Variants in MAP2 observed in about 807,000 individuals in gnomAD.
MAP2 encodes microtubule-associated protein 2.
MAP2 carries 14 observed loss-of-function variants against 137.6 expected under a neutral mutation model. The ratio of observed to expected loss-of-function variants is 0.10; its 90% CI spans 0.07 to 0.16. The LOEUF is 0.16. Among genes scored for constraint, MAP2 ranks in the 10% least tolerant of loss-of-function variants. The pLI, the probability that MAP2 is intolerant of heterozygous loss-of-function variation, is 1.00. For synonymous variants in MAP2, 786 were observed against 782.3 expected (o/e 1.00, Z -0.08); for missense variants, 2,088 against 2,191.5 (o/e 0.95, Z 0.94).
chr2:209,565,209 A>G (rs564221303), intron 2 of MAP2, among the ~76,000 whole-genome samples: 2 of 152,128 alleles, frequency 1.3e-5, no homozygotes, highest in East Asian at 3.9e-4. Flanking sequence ...AACTCAATGG[A>G]AAATTTCTTT....
At chr2:209,702,727 G>T (rs569558129) in intron 11 of MAP2, among the ~76,000 whole-genome samples, 73 of 151,898 alleles carry the variant, frequency 4.8e-4, no homozygotes, top group African/African-American at 1.7e-3. Context: ...TCACTCTTTT[G>T]TGGGTAGGAT....
intron 7 of MAP2, among the ~76,000 whole-genome samples, chr2:209,683,094 G>A (rs1203517201): frequency 6.6e-6 from 1 of 152,076 alleles, no homozygotes; most frequent in Admixed American, 6.6e-5. Flanking sequence ...ATCCATCTGG[G>A]AATTCACCCA....
At chr2:209,605,259 A>G (rs553003091) in intron 3 of MAP2, among the ~76,000 whole-genome samples, 1 of 152,272 alleles carries the variant, frequency 6.6e-6, no homozygotes, top group South Asian at 2.1e-4. Flanking sequence ...CCTTATGGAA[A>G]TAGATTTATT....
chr2:209,545,337 C>G (rs1261808217), intron 2 of MAP2, among the ~76,000 whole-genome samples: 1 of 152,120 alleles, frequency 6.6e-6, no homozygotes, highest in African/African-American at 2.4e-5. Flanking sequence ...GTAAATCTAC[C>G]TAGCCTGCAC....
rs2075674469 is a variant in MAP2 at position 209,730,710 on chromosome 2, C to G, written c.*313C>G. On this transcript the variant is annotated 3_prime_UTR_variant, in exon 16 of 16. Coordinates refer to ENST00000682079, the MANE Select transcript of MAP2 (RefSeq NM_001375505.1). ...TTTTTACCTTTCATGTGCCTGAAGGCTATCCACTACATTCTGAAGGCCTTG... is the reference window on the plus strand; with the variant it reads ...TTTTTACCTTTCATGTGCCTGAAGGGTATCCACTACATTCTGAAGGCCTTG... 1 of 275,190 alleles carries G rather than the reference C, an allele frequency of 3.6e-6. No individual in the cohort carries two copies. Among genetic ancestry groups the G allele is most frequent in the African/African-American group, 2.2e-5 (1 of 44,596 alleles). The allele number at this position is 275,190 out of a possible 1,614,324, so 17.0% of individuals were successfully genotyped here.
At chr2:209,663,528 C>T (rs1456521801) in intron 5 of MAP2, among the ~76,000 whole-genome samples, 1 of 152,156 alleles carries the variant, frequency 6.6e-6, no homozygotes, top group African/African-American at 2.4e-5. Context: ...TGTCATGCAA[C>T]TTTTAACAAT....
At chr2:209,729,774 C>A in intron 14 of MAP2, 76 bp from the exon 15 acceptor site, 2 of 896,050 alleles carry the variant, frequency 2.2e-6, no homozygotes, top group Non-Finnish European at 3.7e-6. Context: ...CGTAGTCTAT[C>A]TACTGCAGTC....
At position 209,692,723 on chromosome 2, in the gene MAP2, C is replaced by A. The variant is rs1283361483; in HGVS notation, c.553C>A (p.Gln185Lys). 6.2e-7 allele frequency: 1 copy of A among 1,614,002 alleles called. No individual in the cohort carries two copies. Among genetic ancestry groups the A allele is most frequent in the African/African-American group, 1.3e-5 (1 of 75,040 alleles). Reference sequence around the variant, plus strand: ...CCAGAAGGAAAAGGAGTCAGAGAAGCAAAGTAAGCCTGGTGAAGACCTTAA... The same window carrying A: ...CCAGAAGGAAAAGGAGTCAGAGAAGAAAAGTAAGCCTGGTGAAGACCTTAA... Reference protein sequence around the residue: ...SDQKEKESEKQSKPGEDLKHA... With the variant: ...SDQKEKESEKKSKPGEDLKHA... The change falls in exon 8 of 16, where the codon CAA (glutamine) becomes AAA (lysine). Residue 185 changes from glutamine to lysine, a missense_variant. Coordinates refer to ENST00000682079, the MANE Select transcript of MAP2 (RefSeq NM_001375505.1).
chr2:209,665,020 G>A (rs910315926), intron 5 of MAP2, among the ~76,000 whole-genome samples: 1 of 146,008 alleles, frequency 6.8e-6, no homozygotes, highest in African/African-American at 2.5e-5. Flanking sequence ...AACTGAGAAT[G>A]AAGAGGTAAT....
At chr2:209,525,916 C>T (rs2150470502) in intron 2 of MAP2, among the ~76,000 whole-genome samples, 1 of 152,138 alleles carries the variant, frequency 6.6e-6, no homozygotes, top group Non-Finnish European at 1.5e-5. Flanking sequence ...TATTTCTTTT[C>T]TTGTGGTTGC....
chr2:209,703,750 A>G (rs1192044948), intron 11 of MAP2, among the ~76,000 whole-genome samples: 1 of 150,220 alleles, frequency 6.7e-6, no homozygotes, highest in East Asian at 1.9e-4. Flanking sequence ...TCTAAGCAAT[A>G]TTACTCTTTC....
chr2:209,645,643 T>C (rs2094372845), intron 4 of MAP2, among the ~76,000 whole-genome samples: 1 of 152,180 alleles, frequency 6.6e-6, no homozygotes, highest in Non-Finnish European at 1.5e-5. Context: ...TAAATGATAT[T>C]ATATAATTCT....
At chr2:209,587,328 A>G (rs2078016396) in intron 3 of MAP2, among the ~76,000 whole-genome samples, 1 of 152,148 alleles carries the variant, frequency 6.6e-6, no homozygotes, top group African/African-American at 2.4e-5. Flanking sequence ...ACTCTGCTTA[A>G]AGCCACAGGG....
At chr2:209,425,361 A>T (rs1237526849) in intron 1 of MAP2, among the ~76,000 whole-genome samples, 1 of 152,226 alleles carries the variant, frequency 6.6e-6, no homozygotes, top group African/African-American at 2.4e-5. Context: ...ACAAGTATGC[A>T]CACAAATGTA....
chr2:209,565,306 C>T (rs2073138176), intron 2 of MAP2, among the ~76,000 whole-genome samples: 1 of 152,118 alleles, frequency 6.6e-6, no homozygotes, highest in East Asian at 1.9e-4. Flanking sequence ...TAGCCTCAAC[C>T]TTTTGGGTTT....
chr2:209,487,168 T>C (rs1016036032), intron 1 of MAP2, among the ~76,000 whole-genome samples: 24 of 152,328 alleles, frequency 1.6e-4, no homozygotes, highest in Admixed American at 5.2e-4. Context: ...TGTAGAACTT[T>C]AGTTATAACA....
At chr2:209,555,076 A>G (rs976394745) in intron 2 of MAP2, among the ~76,000 whole-genome samples, 8 of 151,824 alleles carry the variant, frequency 5.3e-5, no homozygotes, top group Non-Finnish European at 1.0e-4. Flanking sequence ...GGGGCTTCCA[A>G]CTTCATGTCT....
chr2:209,625,511 A>G (rs72997687), intron 4 of MAP2, among the ~76,000 whole-genome samples: 12,137 of 152,194 alleles, frequency 0.08, 690 homozygotes, highest in Non-Finnish European at 0.12. Flanking sequence ...CAACAGTTCT[A>G]TGACGTAGAT....
intron 1 of MAP2, among the ~76,000 whole-genome samples, chr2:209,504,284 A>G (rs1019903024): frequency 6.6e-6 from 1 of 151,972 alleles, no homozygotes; most frequent in Admixed American, 6.6e-5. Context: ...AAAATCCCAC[A>G]GTATCATTTT....
Sources: gnomAD v4.1 joint callset for allele counts (sites outside exome capture counted in the v4.1 genomes callset) on GRCh38, gnomAD v4.1.1 for gene constraint, MANE v1.5 for transcripts, NCBI Gene and HGNC (gene_info 2026-07-23, HGNC 2026-07-21) for gene names.